The following DACH2 variants were observed in gnomAD, a reference collection of about 807,000 sequenced individuals.
DACH2 encodes dachshund homolog 2.
DACH2 carries 17 observed loss-of-function variants against 35.8 expected under a neutral mutation model. The ratio of observed to expected loss-of-function variants is 0.48; its 90% confidence interval spans 0.33 to 0.71. The LOEUF is 0.71. Ranked by LOEUF, DACH2 falls within the 30% of genes least tolerant of loss-of-function variation. The pLI is 0.02. For missense variants in DACH2, 469 were observed against 472.7 expected (o/e 0.99, Z 0.07); for synonymous variants, 195 against 177.3 (o/e 1.10, Z -0.79).
In DACH2 at chrX:86,787,634, AAAG is replaced by A. The variant is rs1357123280; in HGVS notation, c.1241-25219_1241-25217del. Among the ~76,000 whole-genome samples the A allele has an allele frequency of 5.7e-3, 620 of 109,163 alleles. 2 individuals carry two copies. Among genetic ancestry groups the A allele is most frequent in the Non-Finnish European group, 9.9e-3 (521 of 52,552 alleles). 94.8% of individuals were successfully genotyped at this position (109,163 alleles called of 115,157 possible). A position where few individuals can be genotyped will look rare whatever the true frequency, so the allele number is the denominator to read the frequency against. ...ACTCAGTCTCAAAAAAAAAAAAAAAAAAGAAAAGAAAATGAGTCAGCACTTATT... is the reference window on the plus strand; with the variant it reads ...ACTCAGTCTCAAAAAAAAAAAAAAAAAAAAGAAAATGAGTCAGCACTTATT... On this transcript the variant is annotated intron_variant, in intron 7 of 11. Transcript: ENST00000373125.
chrX:86,310,274 T>C (rs1376734469), intron 1 of DACH2, among the ~76,000 whole-genome samples: 1 of 111,760 alleles, frequency 8.9e-6, no homozygotes, highest in Non-Finnish European at 1.9e-5. Context: ...AAGTTGTATA[T>C]ACATGATTGG....
intron 1 of DACH2, among the ~76,000 whole-genome samples, chrX:86,155,970 A>T (rs1026337216): frequency 9.0e-6 from 1 of 111,071 alleles, no homozygotes; most frequent in Non-Finnish European, 1.9e-5. Context: ...AATTATGGAA[A>T]ATAGTTAACT....
intron 1 of DACH2, chrX:86,263,071 A>T (rs1293333804): frequency 3.3e-6 from 2 of 598,564 alleles, no homozygotes. Flanking sequence ...AGAAAAAAGC[A>T]TCATAATAAT....
intron 6 of DACH2, among the ~76,000 whole-genome samples, chrX:86,722,153 T>A (rs139105517): frequency 8.9e-6 from 1 of 112,006 alleles, no homozygotes; most frequent in African/African-American, 3.2e-5. Context: ...CCAGTCAGTA[T>A]GATACTGGTT....
At chrX:86,161,563 T>G (rs778781905) in intron 1 of DACH2, among the ~76,000 whole-genome samples, 8 of 112,353 alleles carry the variant, frequency 7.1e-5, no homozygotes, top group African/African-American at 1.3e-4. Context: ...CAGATTTTTG[T>G]GAAGCGTTTC....
chrX:86,600,150 A>G (rs1006585403), intron 3 of DACH2, among the ~76,000 whole-genome samples: 3 of 112,126 alleles, frequency 2.7e-5, no homozygotes, highest in Admixed American at 9.4e-5. Flanking sequence ...GGTAGAGAGA[A>G]TTTCATGGCT....
chrX:86,284,715 G>A (rs1331573602), intron 1 of DACH2, among the ~76,000 whole-genome samples: 1 of 111,339 alleles, frequency 9.0e-6, no homozygotes, highest in Non-Finnish European at 1.9e-5. Context: ...AATTCAACAG[G>A]AAGTTGTTGG....
At chrX:86,651,206 T>C (rs1454225705) in intron 4 of DACH2, 39 bp downstream of exon 4, 1 of 1,178,980 alleles carries the variant, frequency 8.5e-7, no homozygotes, top group Middle Eastern at 2.4e-4. Flanking sequence ...TGACTCTTAC[T>C]GTTCTATTGT....
chrX:86,632,222 G>T (rs1466229356), intron 3 of DACH2, among the ~76,000 whole-genome samples: 1 of 110,873 alleles, frequency 9.0e-6, no homozygotes, highest in Non-Finnish European at 1.9e-5. Flanking sequence ...AGGCAAAAAG[G>T]CTTCATTACC....
chrX:86,385,556 T>C (rs2148112956), intron 2 of DACH2, among the ~76,000 whole-genome samples: 1 of 111,896 alleles, frequency 8.9e-6, no homozygotes, highest in Non-Finnish European at 1.9e-5. Context: ...AATTAGAGCA[T>C]ATAGAAGGAT....
intron 2 of DACH2, among the ~76,000 whole-genome samples, chrX:86,474,401 G>C (rs780782526): frequency 8.9e-6 from 1 of 111,852 alleles, no homozygotes; most frequent in Non-Finnish European, 1.9e-5. Context: ...TTGGTTGGCT[G>C]TGTTTGTGGA....
chrX:86,471,925 T>C (rs2037766792), intron 2 of DACH2, among the ~76,000 whole-genome samples: 1 of 112,048 alleles, frequency 8.9e-6, no homozygotes, highest in Non-Finnish European at 1.9e-5. Context: ...ATGTAATACC[T>C]ATGTTAATTA....
In DACH2 at chrX:86,396,870, G is replaced by A. The variant is rs765595640; in HGVS notation, c.527+20008G>A. On this transcript the variant is annotated intron_variant, in intron 2 of 11. Coordinates refer to ENST00000373125, the MANE Select transcript of DACH2 (RefSeq NM_053281.3). Reference sequence around the variant, plus strand: ...TGGCTTAGGATTGACTTGGCAATGCGGGCTCTTTTTTGGTTCCATATGAAC... The same window carrying A: ...TGGCTTAGGATTGACTTGGCAATGCAGGCTCTTTTTTGGTTCCATATGAAC... 2.6e-4 allele frequency among the ~76,000 whole-genome samples: 29 copies of A among 110,677 alleles called. No homozygotes were observed. The South Asian group carries it at 9.2e-3, about 35-fold the overall frequency.
At position 86,698,500 on chromosome X, in the gene DACH2, T is replaced by C. The variant is rs1236179784; in HGVS notation, c.931+3321T>C. 5.9e-5 allele frequency among the ~76,000 whole-genome samples: 6 copies of C among 101,800 alleles called. No homozygotes were observed. The East Asian group carries it at 1.9e-3, about 31-fold the overall frequency. The allele number at this position is 101,800 out of a possible 115,157, so 88.4% of individuals were successfully genotyped here. A position where few individuals can be genotyped will look rare whatever the true frequency, so the allele number is the denominator to read the frequency against. On this transcript the variant is annotated intron_variant, in intron 5 of 11. Transcript: ENST00000373125. ...ATAAATTAATTTTTTTAATTTCTTC[T>C]TTTTGTTTTGTTAGTTTTGTGTTTT...
chrX:86,573,357 A>G (rs2039396733), intron 3 of DACH2, among the ~76,000 whole-genome samples: 1 of 106,998 alleles, frequency 9.3e-6, no homozygotes, highest in African/African-American at 3.6e-5. Flanking sequence ...TGCCATTCAT[A>G]TTAGAAACTG....
chrX:86,417,188 C>G (rs778196736), intron 2 of DACH2, among the ~76,000 whole-genome samples: 1 of 108,349 alleles, frequency 9.2e-6, no homozygotes, highest in Non-Finnish European at 1.9e-5. Context: ...AAGTATCAAG[C>G]CTTTCATGAG....
At chrX:86,744,316 G>A (rs937519624) in intron 7 of DACH2, among the ~76,000 whole-genome samples, 2 of 110,522 alleles carry the variant, frequency 1.8e-5, no homozygotes, top group Admixed American at 9.7e-5. Context: ...TAAAAAAATG[G>A]GATTCTCTAT....
chrX:86,790,885 A>G (rs1228233108), intron 7 of DACH2, among the ~76,000 whole-genome samples: 1 of 111,610 alleles, frequency 9.0e-6, no homozygotes, highest in Non-Finnish European at 1.9e-5. Context: ...AACTACTGAT[A>G]GCCTGCTGTT....
At chrX:86,780,810 C>T (rs1232252229) in intron 7 of DACH2, among the ~76,000 whole-genome samples, 1 of 111,594 alleles carries the variant, frequency 9.0e-6, no homozygotes, top group Non-Finnish European at 1.9e-5. Context: ...AGCAAACAGG[C>T]TTGTTGGGGA....
Sources: allele counts gnomAD v4.1 joint callset (sites outside exome capture counted in the v4.1 genomes callset), GRCh38; gene constraint gnomAD v4.1.1; transcripts MANE v1.5; gene names NCBI Gene and HGNC (gene_info 2026-07-23, HGNC 2026-07-21).